The following APBA2 variants were observed in gnomAD, a reference collection of about 807,000 sequenced individuals.
APBA2 encodes the protein amyloid beta precursor protein binding family A member 2.
APBA2 carries 30 observed loss-of-function variants against 75.0 expected under a neutral mutation model. The observed-to-expected ratio is 0.40, with a 90% CI of 0.30 to 0.54. The LOEUF is 0.54. APBA2 is among the 20% of genes least tolerant of loss of function. APBA2 has a pLI of 0.49. For synonymous variants in APBA2, 444 were observed against 409.6 expected (o/e 1.08, Z -1.01); for missense variants, 801 against 1,016.1 (o/e 0.79, Z 2.88).
chr15:29,045,844 C>T (rs1054181261), intron 3 of APBA2, among the ~76,000 whole-genome samples: 1 of 152,128 alleles, frequency 6.6e-6, no homozygotes, highest in African/African-American at 2.4e-5. Flanking sequence ...GTAATGTGCC[C>T]TCAGAAACAG....
At chr15:29,067,584 T>C (rs2042432922) in intron 4 of APBA2, among the ~76,000 whole-genome samples, 1 of 152,202 alleles carries the variant, frequency 6.6e-6, no homozygotes, top group South Asian at 2.1e-4. Context: ...CTGTGGCTTA[T>C]GGTAAAGTGA....
intron 4 of APBA2, among the ~76,000 whole-genome samples, chr15:29,064,927 G>A (rs1445508890): frequency 6.6e-6 from 1 of 152,208 alleles, no homozygotes; most frequent in Admixed American, 6.5e-5. Context: ...GCAGAGGCAT[G>A]GGAATGGTAG....
chr15:29,060,421 A>G (rs2042081995), intron 4 of APBA2, among the ~76,000 whole-genome samples: 1 of 152,192 alleles, frequency 6.6e-6, no homozygotes, highest in Non-Finnish European at 1.5e-5. Context: ...ACAGCCCTTG[A>G]AGAACCTGAG....
intron 3 of APBA2, among the ~76,000 whole-genome samples, chr15:29,035,330 A>G (rs959130183): frequency 6.6e-6 from 1 of 152,238 alleles, no homozygotes; most frequent in African/African-American, 2.4e-5. Flanking sequence ...CTTAAAAAAT[A>G]GATTCAGGAA....
intron 7 of APBA2, among the ~76,000 whole-genome samples, 157 bp from the exon 8 acceptor site, chr15:29,094,121 G>A (rs2043724658): frequency 6.6e-6 from 1 of 152,252 alleles, no homozygotes; most frequent in Admixed American, 6.5e-5. Flanking sequence ...GTCAGTGTGT[G>A]TGCTTGAAGT....
At chr15:28,935,395 C>G (rs2034802893) in intron 2 of APBA2, among the ~76,000 whole-genome samples, 1 of 151,876 alleles carries the variant, frequency 6.6e-6, no homozygotes, top group African/African-American at 2.4e-5. Flanking sequence ...TTAATTTGCC[C>G]CTGGGGGATT....
intron 3 of APBA2, among the ~76,000 whole-genome samples, chr15:29,015,853 G>A (rs1200677128): frequency 6.6e-6 from 1 of 152,184 alleles, no homozygotes; most frequent in South Asian, 2.1e-4. Flanking sequence ...GTGACCCGGG[G>A]CAGATCCTTG....
intron 2 of APBA2, among the ~76,000 whole-genome samples, chr15:28,977,923 CAGCT>C (rs1469613074): frequency 5.3e-5 from 8 of 152,156 alleles, no homozygotes; most frequent in Non-Finnish European, 1.2e-4. Context: ...AGGTAGTGAA[CAGCT>C]TGGGCTGTGG....
chr15:29,008,123 G>A (rs1250023508), intron 3 of APBA2, among the ~76,000 whole-genome samples: 1 of 152,192 alleles, frequency 6.6e-6, no homozygotes, highest in Non-Finnish European at 1.5e-5. Flanking sequence ...CTAAATGAAG[G>A]AAGCCAGATA....
chr15:28,960,701 A>G (rs753304622), intron 2 of APBA2, among the ~76,000 whole-genome samples: 5 of 151,466 alleles, frequency 3.3e-5, no homozygotes, highest in Non-Finnish European at 7.4e-5. Flanking sequence ...GAGCCAACCT[A>G]TCATGTGGAC....
intron 2 of APBA2, among the ~76,000 whole-genome samples, chr15:28,931,496 T>G (rs558819524): frequency 6.6e-6 from 1 of 152,220 alleles, no homozygotes. Flanking sequence ...CCCTGTTCAC[T>G]GGGACCTGGT....
In APBA2 at chr15:29,015,984, C is replaced by A. The variant is rs188827316; in HGVS notation, c.-41+20178C>A. 1.7e-3 allele frequency among the ~76,000 whole-genome samples: 254 copies of A among 152,290 alleles called. 1 individual carries two copies. The highest frequency in any genetic ancestry group is 6.1e-3 in the African/African-American group (252 of 41,560). On this transcript the variant is annotated intron_variant, in intron 3 of 14. Coordinates refer to ENST00000683413, the MANE Select transcript of APBA2 (RefSeq NM_001353788.2). ...ACATATCTACTTATGGTTGGCCGGG[C>A]GCGGTGGCTCACGCTTGTAATCCCA...
At chr15:29,079,135 C>A (rs1303103863) in intron 6 of APBA2, among the ~76,000 whole-genome samples, 1 of 152,056 alleles carries the variant, frequency 6.6e-6, no homozygotes, top group African/African-American at 2.4e-5. Context: ...GAAGCTATGC[C>A]CCACCCATGG....
At chr15:28,905,383 G>A (rs149620383) in intron 1 of APBA2, among the ~76,000 whole-genome samples, 205 of 152,300 alleles carry the variant, frequency 1.3e-3, no homozygotes, top group African/African-American at 4.8e-3. Context: ...TTTTCTATGC[G>A]TGGAAGCAAA....
chr15:29,065,944 G>C (rs139681918), intron 4 of APBA2, among the ~76,000 whole-genome samples: 1 of 152,186 alleles, frequency 6.6e-6, no homozygotes, highest in Non-Finnish European at 1.5e-5. Context: ...ACTTCAGGTA[G>C]GGAGACGCTG....
intron 3 of APBA2, among the ~76,000 whole-genome samples, chr15:29,008,058 G>A (rs1321039900): frequency 6.6e-6 from 1 of 152,168 alleles, no homozygotes; most frequent in Admixed American, 6.5e-5. Flanking sequence ...GAAAAGGAAG[G>A]AAATTCTGAC....
chr15:28,949,340 G>A (rs913344701), intron 2 of APBA2, among the ~76,000 whole-genome samples: 7 of 152,190 alleles, frequency 4.6e-5, no homozygotes, highest in East Asian at 1.9e-4. Flanking sequence ...AGTCAGGGCC[G>A]GGCAGAAGCC....
chr15:28,957,258 G>A (rs1389743704), intron 2 of APBA2, among the ~76,000 whole-genome samples: 2 of 151,796 alleles, frequency 1.3e-5, no homozygotes, highest in East Asian at 1.9e-4. Context: ...AGTATTTTTA[G>A]TAGAGACGGG....
At chr15:29,013,074 T>G (rs1461501638) in intron 3 of APBA2, among the ~76,000 whole-genome samples, 5 of 152,102 alleles carry the variant, frequency 3.3e-5, no homozygotes, top group Admixed American at 6.5e-5. Context: ...TAGTTGTTCT[T>G]GGTGAGAGGA....
Sources: allele counts gnomAD v4.1 joint callset (sites outside exome capture counted in the v4.1 genomes callset), GRCh38; gene constraint gnomAD v4.1.1; transcripts MANE v1.5; gene names NCBI Gene and HGNC (gene_info 2026-07-23, HGNC 2026-07-21).